The following KIT variants were observed in gnomAD, a reference collection of about 807,000 sequenced individuals.
The protein encoded by KIT is KIT proto-oncogene, receptor tyrosine kinase.
In KIT, 16 loss-of-function variants were observed where a neutral mutation model predicts 105.7. The ratio of observed to expected loss-of-function variants is 0.15; its 90% CI spans 0.10 to 0.23. The LOEUF (loss-of-function observed/expected upper bound fraction) is 0.23, where lower values mean the gene tolerates loss of function less well. Ranked by LOEUF, KIT falls within the 10% of genes least tolerant of loss-of-function variation. KIT has a pLI of 1.00. For missense variants in KIT, 858 were observed against 1,213.8 expected, an observed-to-expected ratio of 0.71 and a Z score of 4.36; for synonymous variants, 438 against 441.1, an observed-to-expected ratio of 0.99 and a Z score of 0.09.
chr4:54,699,549 C>A, intron 3 of KIT, 81 bp from the exon 4 acceptor site: 1 of 1,473,230 alleles, frequency 6.8e-7, no homozygotes, highest in Non-Finnish European at 9.5e-7. Flanking sequence ...GTAAGCTGTA[C>A]ACATTTGAGG....
At chr4:54,714,175 G>A (rs1383581883) in intron 7 of KIT, among the ~76,000 whole-genome samples, 5 of 152,008 alleles carry the variant, frequency 3.3e-5, no homozygotes, top group African/African-American at 1.2e-4. Context: ...TGTTTTTCTT[G>A]GAAATGAAAA....
At chr4:54,729,977 C>T (rs1443830183) in intron 14 of KIT, among the ~76,000 whole-genome samples, 5 of 152,126 alleles carry the variant, frequency 3.3e-5, no homozygotes, top group Non-Finnish European at 7.4e-5. Flanking sequence ...TTCCTGTATA[C>T]CTTGCCTCTT....
At chr4:54,667,822 T>C (rs950909414) in intron 1 of KIT, among the ~76,000 whole-genome samples, 3 of 152,188 alleles carry the variant, frequency 2.0e-5, no homozygotes, top group African/African-American at 7.2e-5. Context: ...GGATATCACT[T>C]TTGCATGTAT....
intron 1 of KIT, among the ~76,000 whole-genome samples, chr4:54,692,865 T>C (rs1719806921): frequency 1.3e-5 from 2 of 152,212 alleles, no homozygotes; most frequent in African/African-American, 2.4e-5. Flanking sequence ...ATCTGGGGTG[T>C]ACTTTGCTTG....
chr4:54,707,929 C>A (rs1423013561), intron 6 of KIT, among the ~76,000 whole-genome samples: 1 of 152,088 alleles, frequency 6.6e-6, no homozygotes, highest in Non-Finnish European at 1.5e-5. Flanking sequence ...GTAATTTGAC[C>A]AAGACCGAAC....
chr4:54,730,553 C>A (rs1028204672), intron 14 of KIT, among the ~76,000 whole-genome samples: 1 of 152,076 alleles, frequency 6.6e-6, no homozygotes, highest in African/African-American at 2.4e-5. Flanking sequence ...GTTAGTTTCT[C>A]CTGGGCATGT....
rs1722587769 is a variant in KIT, at chr4:54,731,386, A to G, written c.2200A>G (p.Thr734Ala). The G allele has an allele frequency of 1.9e-6, 3 of 1,613,288 alleles. No individual in the cohort carries two copies. Among genetic ancestry groups the G allele is most frequent in the Non-Finnish European group, 2.5e-6 (3 of 1,179,430 alleles). The change falls in exon 15 of 21, where the codon ACC becomes GCC. Residue 734 changes from threonine (T) to alanine (A), a missense_variant. Transcript: ENST00000288135. Reference protein sequence around the residue: ...MKPGVSYVVPTKADKRRSVRI... With the variant: ...MKPGVSYVVPAKADKRRSVRI... Reference sequence around the variant, plus strand: ...ACCTGGAGTTTCTTATGTTGTCCCAACCAAGGCCGACAAAAGGAGATCTGT... The same window carrying G: ...ACCTGGAGTTTCTTATGTTGTCCCAGCCAAGGCCGACAAAAGGAGATCTGT...
In KIT at chr4:54,727,900, A is replaced by C. The variant is rs760939861; in HGVS notation, c.1852A>C (p.Met618Leu). Residue 618 changes from methionine (M) to leucine (L), a missense_variant, in exon 12 of 21, where the codon ATG becomes CTG. Transcript: ENST00000288135. ...AYGLIKSDAA[M>L]TVAVKMLKPS... is the part of the protein sequence containing the mutation. The stretch of plus-strand genomic sequence containing the variant: ...TGGCTTAATTAAGTCAGATGCGGCC[A>C]TGACTGTCGCTGTAAAGATGCTCAA... The C allele has an allele frequency of 6.2e-7, 1 of 1,614,092 alleles. No homozygotes were observed. Among genetic ancestry groups the C allele is most frequent in the South Asian group, 1.1e-5 (1 of 91,076 alleles).
At chr4:54,669,218 C>T (rs981968878) in intron 1 of KIT, among the ~76,000 whole-genome samples, 2 of 151,356 alleles carry the variant, frequency 1.3e-5, no homozygotes, top group Non-Finnish European at 2.9e-5. Flanking sequence ...AGGACCCCCC[C>T]CCCTTGCTTT....
chr4:54,674,569 A>C (rs1368511475), intron 1 of KIT, among the ~76,000 whole-genome samples: 1 of 152,180 alleles, frequency 6.6e-6, no homozygotes, highest in African/African-American at 2.4e-5. Context: ...ACATTTTAAC[A>C]CAAAATTTGG....
intron 9 of KIT, among the ~76,000 whole-genome samples, chr4:54,726,547 A>C (rs1722224471): frequency 6.6e-6 from 1 of 152,240 alleles, no homozygotes; most frequent in Non-Finnish European, 1.5e-5. Context: ...TCTCTTAACA[A>C]GTTAAAAGAT....
Position 54,738,814 on chromosome 4 carries a change from AAGAG to A in KIT, c.*260_*263del. On this transcript the variant is annotated 3_prime_UTR_variant, in exon 21 of 21. Coordinates refer to ENST00000288135, the MANE Select transcript of KIT (RefSeq NM_000222.3). The stretch of plus-strand genomic sequence containing the variant: ...AACAGAAAACATTCTGATTTGGAAA[AAGAG>A]AGGGAGGTATGGACTGGGGGCCAGA... The A allele has an allele frequency of 3.3e-6, 2 of 606,528 alleles. No homozygotes were observed. Among genetic ancestry groups the A allele is most frequent in the Non-Finnish European group, 5.9e-6 (2 of 341,356 alleles). 37.6% of individuals were successfully genotyped at this position (606,528 alleles called of 1,614,324 possible). A position where few individuals can be genotyped will look rare whatever the true frequency, so the allele number is the denominator to read the frequency against.
At chr4:54,664,195 C>G (rs1224387889) in intron 1 of KIT, among the ~76,000 whole-genome samples, 1 of 152,032 alleles carries the variant, frequency 6.6e-6, no homozygotes, top group Admixed American at 6.6e-5. Context: ...CTGAAAAAAA[C>G]TACAGTACAA....
intron 8 of KIT, among the ~76,000 whole-genome samples, chr4:54,724,034 A>C (rs915109678): frequency 6.6e-6 from 1 of 152,230 alleles, no homozygotes; most frequent in Admixed American, 6.5e-5. Context: ...TGTGTGTGGG[A>C]AATGTGACTG....
At chr4:54,664,500 C>T (rs918643912) in intron 1 of KIT, among the ~76,000 whole-genome samples, 9 of 152,146 alleles carry the variant, frequency 5.9e-5, no homozygotes, top group East Asian at 3.9e-4. Flanking sequence ...AATAGTCTGA[C>T]GAAGCGAGAG....
At chr4:54,728,538 A>G (rs1371578494) in intron 13 of KIT, among the ~76,000 whole-genome samples, 1 of 152,196 alleles carries the variant, frequency 6.6e-6, no homozygotes, top group African/African-American at 2.4e-5. Flanking sequence ...TGAGGCAAAC[A>G]TTTCACTTCT....
chr4:54,734,571 C>T (rs1184554168), intron 17 of KIT, among the ~76,000 whole-genome samples: 1 of 152,130 alleles, frequency 6.6e-6, no homozygotes, highest in African/African-American at 2.4e-5. Context: ...AGATTGTAGA[C>T]TCCAGTTCAA....
chr4:54,707,144 T>C lies in KIT; in HGVS notation c.972T>C (p.Phe324=). The change falls in exon 6 of 21, where the codon TTT becomes TTC. Residue 324 remains phenylalanine, a synonymous_variant. Transcript: ENST00000288135. ...NIFPMINTTV[F]VNDGENVDLI... ...TCCCCATGATAAACACTACAGTATT[T>C]GTAAACGATGGAGAAAATGTAGATT... 1 of 1,579,890 alleles carries C rather than the reference T, an allele frequency of 6.3e-7. No homozygotes were observed. The highest frequency in any genetic ancestry group is 8.7e-7 in the Non-Finnish European group (1 of 1,149,028).
Position 54,707,117 on chromosome 4 carries a change from C to A in KIT, c.945C>A (p.Ile315=). 1.3e-6 allele frequency: 2 copies of A among 1,542,974 alleles called. No homozygotes were observed. The highest frequency in any genetic ancestry group is 1.1e-5 in the South Asian group (1 of 89,382). Residue 315 remains isoleucine (I), a synonymous_variant, in exon 6 of 21, where the codon ATC becomes ATA. Coordinates refer to ENST00000288135, the MANE Select transcript of KIT (RefSeq NM_000222.3). ...LEVVDKGFIN[I]FPMINTTVFV... is the part of the protein sequence containing the mutation. Reference sequence around the variant, plus strand: ...AATTAGATAAAGGATTCATTAATATCTTCCCCATGATAAACACTACAGTAT... The same window carrying A: ...AATTAGATAAAGGATTCATTAATATATTCCCCATGATAAACACTACAGTAT...
Sources: allele counts gnomAD v4.1 joint callset (sites outside exome capture counted in the v4.1 genomes callset), GRCh38; gene constraint gnomAD v4.1.1; transcripts MANE v1.5; gene names NCBI Gene and HGNC (gene_info 2026-07-23, HGNC 2026-07-21).